The following FCGR3A variants were observed in gnomAD, a reference collection of about 807,000 sequenced individuals.
FCGR3A encodes the protein low affinity immunoglobulin gamma Fc region receptor III-A.
In FCGR3A, 13 loss-of-function variants were observed where a neutral mutation model predicts 24.1. The ratio of observed to expected loss-of-function variants is 0.54; its 90% CI spans 0.35 to 0.86. The LOEUF is 0.86. Among genes scored for constraint, FCGR3A ranks in the 40% least tolerant of loss-of-function variants. The pLI is 0.01. For missense variants in FCGR3A, 235 were observed against 298.0 expected (o/e 0.79, Z 1.56); for synonymous variants, 93 against 112.2 (o/e 0.83, Z 1.08).
At chr1:161,544,112 C>G (rs1236558031) in intron 4 of FCGR3A, among the ~76,000 whole-genome samples, 4 of 152,120 alleles carry the variant, frequency 2.6e-5, no homozygotes, top group Non-Finnish European at 4.4e-5. Context: ...TGAAGGTCTA[C>G]TGTGATAGTC....
At chr1:161,550,054 C>G, upstream of FCGR3A, 2 of 610,420 alleles carry the variant, frequency 3.3e-6, no homozygotes, top group Non-Finnish European at 5.7e-6. Flanking sequence ...TCAGCCATCC[C>G]AGGATGCTTG....
chr1:161,548,179 A>T (rs567818996), intron 3 of FCGR3A, among the ~76,000 whole-genome samples: 3 of 152,298 alleles, frequency 2.0e-5, no homozygotes, highest in Admixed American at 6.5e-5. Context: ...TGCACTCCAT[A>T]TGGGGATTCT....
At chr1:161,546,938 A>G (rs1476498690) in intron 3 of FCGR3A, among the ~76,000 whole-genome samples, 1 of 151,868 alleles carries the variant, frequency 6.6e-6, no homozygotes, top group Non-Finnish European at 1.5e-5. Context: ...CAAACAAACA[A>G]ACAAAAAAAG....
intron 3 of FCGR3A, among the ~76,000 whole-genome samples, chr1:161,546,799 G>T (rs1052291662): frequency 1.3e-5 from 2 of 151,922 alleles, no homozygotes; most frequent in African/African-American, 4.8e-5. Flanking sequence ...CAGCTACTTG[G>T]GAGGCTGAGG....
chr1:161,549,607 G>A (rs970869404), intron 1 of FCGR3A, 90 bp downstream of exon 1: 8 of 1,567,608 alleles, frequency 5.1e-6, no homozygotes, highest in African/African-American at 1.4e-5. Flanking sequence ...CCATCCCTTC[G>A]TGGGAGTCTC....
intron 3 of FCGR3A, chr1:161,545,470 AAGG>A (rs1330706274): frequency 6.4e-6 from 1 of 157,148 alleles, no homozygotes; most frequent in Non-Finnish European, 1.4e-5. Flanking sequence ...AGAAATTGTG[AAGG>A]AGAACTCAAT....
intron 4 of FCGR3A, among the ~76,000 whole-genome samples, chr1:161,544,342 C>T (rs1677281422): frequency 6.6e-6 from 1 of 151,700 alleles, no homozygotes; most frequent in Admixed American, 6.6e-5. Context: ...TGGATCGTGG[C>T]TAAAAGGCTT....
chr1:161,543,256 G>T (rs1366459722), intron 4 of FCGR3A, 57 bp from the exon 5 acceptor site: 20 of 1,576,718 alleles, frequency 1.3e-5, no homozygotes, highest in Middle Eastern at 3.4e-4. Flanking sequence ...CAGATATTTG[G>T]AACAAACAGT....
Position 161,544,734 on chromosome 1 carries a change from A to G in FCGR3A, c.544T>C (p.Ser182Pro). Reference protein sequence around the residue: ...CRGLFGSKNVSSETVNITITQ... With the variant: ...CRGLFGSKNVPSETVNITITQ... ...ATGGTGATGTTCACAGTCTCTGAAG[A>G]CACATTTTTACTCCCAAAAAGCCCC... Residue 182 changes from serine (S) to proline (P), a missense_variant, in exon 4 of 5, where the codon TCT becomes CCT. Ser to Pro is a moderately conservative substitution (Grantham distance 74, BLOSUM62 -1). Transcript: ENST00000443193. 3 of 1,609,730 alleles carry G rather than the reference A, an allele frequency of 1.9e-6. No individual in the cohort carries two copies. In the South Asian group the frequency reaches 3.3e-5, roughly 18 times the overall value.
chr1:161,545,050 T>G, intron 3 of FCGR3A, 92 bp from the exon 4 acceptor site: 1 of 1,542,090 alleles, frequency 6.5e-7, no homozygotes, highest in Non-Finnish European at 8.8e-7. Context: ...TCCTGAGACA[T>G]AAGGGAAAGC....
intron 4 of FCGR3A, among the ~76,000 whole-genome samples, chr1:161,543,924 G>A (rs1248995716): frequency 2.0e-5 from 3 of 152,268 alleles, no homozygotes; most frequent in African/African-American, 4.8e-5. Context: ...AGAACCTAGA[G>A]ATGTTTTGTG....
In FCGR3A at chr1:161,542,930, C is replaced by G. The variant is rs1677184607; in HGVS notation, c.*82G>C. 9 of 1,098,960 alleles carry G rather than the reference C, an allele frequency of 8.2e-6. No individual in the cohort carries two copies. In the South Asian group the frequency reaches 1.4e-4, roughly 17 times the overall value. 68.1% of individuals were successfully genotyped at this position (1,098,960 alleles called of 1,614,324 possible). On this transcript the variant is annotated 3_prime_UTR_variant, in exon 5 of 5. Coordinates refer to ENST00000443193, the MANE Select transcript of FCGR3A (RefSeq NM_000569.8). ...TGTTTCCTGCTGCTTGTAGAGAGGC[C>G]TGAGGATGATGGGGTTGCAAATCCA...
upstream of FCGR3A, chr1:161,549,882 T>G: frequency 6.2e-7 from 1 of 1,606,302 alleles, no homozygotes; most frequent in Non-Finnish European, 8.5e-7. Context: ...TGAAACTTCA[T>G]CTGACTTCTC....
chr1:161,543,326 G>C (rs1231211299), intron 4 of FCGR3A, 127 bp from the exon 5 acceptor site: 1 of 1,097,904 alleles, frequency 9.1e-7, no homozygotes, highest in Non-Finnish European at 1.3e-6. Context: ...GAATGGTGGG[G>C]AAGTCTGGGG....
intron 3 of FCGR3A, among the ~76,000 whole-genome samples, chr1:161,547,086 C>T (rs1677451373): frequency 6.6e-6 from 1 of 152,036 alleles, no homozygotes; most frequent in Admixed American, 6.6e-5. Context: ...ACTTCTAAAG[C>T]CAGTTTCTAG....
Position 161,542,009 on chromosome 1 carries a change from G to T in FCGR3A, c.*1003C>A, listed in dbSNP as rs1186509887. The T allele has an allele frequency of 1.3e-5, 2 of 152,176 alleles. No individual in the cohort carries two copies. Among genetic ancestry groups the T allele is most frequent in the Non-Finnish European group, 2.9e-5 (2 of 68,004 alleles). The allele number at this position is 152,176 out of a possible 1,614,324, so 9.4% of individuals were successfully genotyped here. On this transcript the variant is annotated 3_prime_UTR_variant, in exon 5 of 5. Transcript: ENST00000443193. ...AAGCTCAGTAGTACATTTAGTATTG[G>T]TTATACAACATTTGTTTAATAAATG...
chr1:161,545,904 AAAG>A (rs1303061716), intron 3 of FCGR3A: 1 of 152,114 alleles, frequency 6.6e-6, no homozygotes, highest in Non-Finnish European at 1.5e-5. Flanking sequence ...TGCACAGAAA[AAAG>A]AAGGATATGC....
Position 161,542,880 on chromosome 1 carries a change from A to AT in FCGR3A, c.*131dup, listed in dbSNP as rs1677181331. The AT allele has an allele frequency of 2.8e-6, 2 of 718,936 alleles. No homozygotes were observed. The highest frequency in any genetic ancestry group is 3.6e-5 in the African/African-American group (2 of 56,288). 44.5% of individuals were successfully genotyped at this position (718,936 alleles called of 1,614,324 possible). On this transcript the variant is annotated 3_prime_UTR_variant, in exon 5 of 5. Coordinates refer to ENST00000443193, the MANE Select transcript of FCGR3A (RefSeq NM_000569.8). ...AGACCAAGGAAAAGTCGAGAGTTGG[A>AT]TAAGGGATCTGGCTCTGAGTTCTAT...
rs200065826 is a variant in FCGR3A at position 161,544,969 on chromosome 1, C to A, written c.320-11G>T. 6.4e-3 allele frequency: 10,097 copies of A among 1,587,116 alleles called. 521 individuals are homozygous for A. Among genetic ancestry groups the A allele is most frequent in the Non-Finnish European group, 7.8e-3 (9,029 of 1,159,880 alleles). ...GGAGCAACAGCCAGCCTGAAAGACACAGACACCCCAGGCCCGGGAGGCCTC... is the reference window on the plus strand; with the variant it reads ...GGAGCAACAGCCAGCCTGAAAGACAAAGACACCCCAGGCCCGGGAGGCCTC... On this transcript the variant is annotated splice_polypyrimidine_tract_variant and intron_variant, in intron 3 of 4. Coordinates refer to ENST00000443193, the MANE Select transcript of FCGR3A (RefSeq NM_000569.8).
Sources: allele counts gnomAD v4.1 joint callset (sites outside exome capture counted in the v4.1 genomes callset), GRCh38; gene constraint gnomAD v4.1.1; transcripts MANE v1.5; gene names NCBI Gene and HGNC (gene_info 2026-07-23, HGNC 2026-07-21).